Variants in LARP4B observed in about 807,000 individuals in gnomAD.
LARP4B encodes the protein La ribonucleoprotein 4B.
LARP4B carries 12 observed loss-of-function variants against 89.8 expected under a neutral mutation model. That is an observed-to-expected ratio of 0.13 (90% CI 0.09 to 0.22). LARP4B has a LOEUF of 0.22. Ranked by LOEUF, LARP4B falls within the 10% of genes least tolerant of loss-of-function variation. The pLI is 1.00. For missense variants in LARP4B, 757 were observed against 947.7 expected, an observed-to-expected ratio of 0.80 and a Z score of 2.64; for synonymous variants, 367 against 363.3, an observed-to-expected ratio of 1.01 and a Z score of -0.12.
chr10:967,347 A>G, the LARP4B span, among the ~76,000 whole-genome samples: 1 of 152,228 alleles, frequency 6.6e-6, no homozygotes, highest in East Asian at 1.9e-4. Flanking sequence ...CTTAAAAAGG[A>G]ACGTATGAAA....
intron 15 of LARP4B, among the ~76,000 whole-genome samples, chr10:816,478 C>T (rs1832062273): frequency 6.6e-6 from 1 of 152,180 alleles, no homozygotes; most frequent in Non-Finnish European, 1.5e-5. Context: ...TGGCATAAGG[C>T]TCAGGGTCAG....
Position 812,877 on chromosome 10 carries a change from CGTT to C in LARP4B, c.*46_*48del, listed in dbSNP as rs755071641. 6.7e-7 allele frequency: 1 copy of C among 1,484,820 alleles called. No homozygotes were observed. The highest frequency in any genetic ancestry group is 2.4e-5 in the Admixed American group (1 of 41,220). The allele number at this position is 1,484,820 out of a possible 1,614,324, so 92.0% of individuals were successfully genotyped here. A position where few individuals can be genotyped will look rare whatever the true frequency, so the allele number is the denominator to read the frequency against. On this transcript the variant is annotated 3_prime_UTR_variant, in exon 18 of 18. Transcript: ENST00000316157. ...CCTCGCACTGAGTGGGAGAGTGTCTCGTTTGTGGTTAACACAGCGCTCTGCGAC... is the reference window on the plus strand; with the variant it reads ...CCTCGCACTGAGTGGGAGAGTGTCTCTGTGGTTAACACAGCGCTCTGCGAC...
At chr10:825,370 A>T (rs1284333134) in intron 12 of LARP4B, 54 bp from the exon 13 acceptor site, 2 of 1,539,930 alleles carry the variant, frequency 1.3e-6, no homozygotes, top group African/African-American at 2.7e-5. Flanking sequence ...AAGGCATTAC[A>T]TAACATGCAT....
At chr10:982,148 C>T in the LARP4B span, among the ~76,000 whole-genome samples, 2 of 113,578 alleles carry the variant, frequency 1.8e-5, no homozygotes, top group East Asian at 5.3e-4. Context: ...TGGAATCTTA[C>T]TATGTTGCCC....
intron 1 of LARP4B, among the ~76,000 whole-genome samples, chr10:923,437 C>T (rs12259338): frequency 0.19 from 28,743 of 151,496 alleles, 2,932 homozygotes; most frequent in Non-Finnish European, 0.23. Context: ...CTGGTATTTA[C>T]TACCTCTCAG....
chr10:953,893 T>G, the LARP4B span, among the ~76,000 whole-genome samples: 1 of 152,210 alleles, frequency 6.6e-6, no homozygotes, highest in South Asian at 2.1e-4. Flanking sequence ...TAACAGGACA[T>G]GAAGAATCCC....
intron 13 of LARP4B, among the ~76,000 whole-genome samples, chr10:821,955 T>C (rs1564382415): frequency 2.0e-5 from 3 of 152,174 alleles, no homozygotes; most frequent in Admixed American, 6.5e-5. Context: ...CAACCTCCTG[T>C]AGGAACAGGG....
At chr10:815,810 G>C (rs915668359) in intron 15 of LARP4B, 1 of 152,234 alleles carries the variant, frequency 6.6e-6, no homozygotes. Context: ...GAAGGCTGAC[G>C]ACAGACCTAG....
rs770338357 is a variant in LARP4B at position 820,825 on chromosome 10, C to T, written c.1505G>A (p.Arg502Gln). ...TGTAAACTTCTCCTCCCTTTTCTTC[C>T]GGTAGCCAAAGGAATTCTTCCTAGA... ...GRGRKNSFGY[R>Q]KKREEKFTSS... is the part of the protein sequence containing the mutation. Residue 502 changes from arginine (R) to glutamine (Q), a missense_variant, in exon 14 of 18, where the codon CGG (arginine) becomes CAG (glutamine). Physicochemically the swap from Arg to Gln is conservative, Grantham distance 43. This residue lies in a region of LARP4B where 387 missense variants were observed against 423.6 expected (regional missense o/e 0.91). Coordinates refer to ENST00000316157, the MANE Select transcript of LARP4B (RefSeq NM_015155.3). 7.4e-6 allele frequency: 12 copies of T among 1,613,686 alleles called. No individual in the cohort carries two copies. The highest frequency in any genetic ancestry group is 1.0e-5 in the Non-Finnish European group (12 of 1,179,726).
intron 17 of LARP4B, among the ~76,000 whole-genome samples, chr10:813,543 G>A (rs1328806357): frequency 6.6e-6 from 1 of 152,186 alleles, no homozygotes; most frequent in Non-Finnish European, 1.5e-5. Context: ...CACTGGCTCC[G>A]CCAGCTCAGG....
At chr10:927,217 G>A (rs1837166798) in intron 1 of LARP4B, among the ~76,000 whole-genome samples, 1 of 151,998 alleles carries the variant, frequency 6.6e-6, no homozygotes, top group Admixed American at 6.6e-5. Context: ...AGCTTCACCA[G>A]AAAAACTATG....
intron 11 of LARP4B, 144 bp from the exon 12 acceptor site, chr10:826,014 T>C: frequency 1.6e-6 from 1 of 616,490 alleles, no homozygotes; most frequent in Non-Finnish European, 2.9e-6. Context: ...TTTACAATTT[T>C]ATCACCAATG....
intron 1 of LARP4B, among the ~76,000 whole-genome samples, chr10:910,923 T>C (rs1399378000): frequency 6.6e-6 from 1 of 152,130 alleles, no homozygotes; most frequent in East Asian, 1.9e-4. Context: ...AGCACTCCCG[T>C]CCCCTGGCAG....
the LARP4B span, among the ~76,000 whole-genome samples, chr10:969,791 T>A: frequency 1.3e-5 from 2 of 152,134 alleles, no homozygotes; most frequent in Admixed American, 1.3e-4. Context: ...AATGGAACTA[T>A]CCCAAGATTA....
the LARP4B span, among the ~76,000 whole-genome samples, chr10:969,737 AT>A: frequency 2.0e-5 from 3 of 152,312 alleles, no homozygotes; most frequent in East Asian, 1.9e-4. Flanking sequence ...TCAAAAAAAA[AT>A]AAAAGAAAAT....
intron 5 of LARP4B, among the ~76,000 whole-genome samples, chr10:848,347 A>C (rs1367736159): frequency 1.3e-5 from 2 of 152,178 alleles, no homozygotes; most frequent in African/African-American, 4.8e-5. Flanking sequence ...AAATACAAAA[A>C]TACTAAGCCC....
At chr10:987,454 C>T in the LARP4B span, 6 of 152,232 alleles carry the variant, frequency 3.9e-5, no homozygotes, top group Non-Finnish European at 5.9e-5. Flanking sequence ...TTTGCTGGAG[C>T]CAGGCTGCCT....
chr10:850,449 C>T (rs2131774071), intron 5 of LARP4B, among the ~76,000 whole-genome samples: 1 of 152,232 alleles, frequency 6.6e-6, no homozygotes, highest in South Asian at 2.1e-4. Context: ...GTCAATGAAT[C>T]AAGAGGCCAC....
At chr10:833,286 C>CAAAAAAAAA (rs1833021950) in intron 8 of LARP4B, among the ~76,000 whole-genome samples, 1 of 57,354 alleles carries the variant, frequency 1.7e-5, no homozygotes, top group Non-Finnish European at 3.7e-5. Flanking sequence ...AAAAAAAAAC[C>CAAAAAAAAA]TCAAAATGTT....
Sources: gnomAD v4.1 joint callset for allele counts (sites outside exome capture counted in the v4.1 genomes callset) on GRCh38, gnomAD v4.1.1 for gene constraint, gnomAD v4.1.1 regional missense constraint, MANE v1.5 for transcripts, NCBI Gene and HGNC (gene_info 2026-07-23, HGNC 2026-07-21) for gene names.